Variants in CNOT2 observed in about 807,000 individuals in gnomAD.
The protein encoded by CNOT2 is CC chemokine receptor 4-negative regulator of transcription 2.
Under a neutral mutation model 72.1 loss-of-function variants are expected in CNOT2, and 7 were observed. The ratio of observed to expected loss-of-function variants is 0.10; its 90% CI spans 0.06 to 0.18. CNOT2 has a LOEUF of 0.18. Ranked by LOEUF, CNOT2 falls within the 10% of genes least tolerant of loss-of-function variation. CNOT2 has a pLI of 1.00. For synonymous variants in CNOT2, 196 were observed against 225.6 expected (o/e 0.87, Z 1.17); for missense variants, 345 against 660.3 (o/e 0.52, Z 5.23).
At chr12:70,262,419 G>GC (rs942121770) in intron 1 of CNOT2, among the ~76,000 whole-genome samples, 2 of 151,466 alleles carry the variant, frequency 1.3e-5, no homozygotes, top group Non-Finnish European at 3.0e-5. Flanking sequence ...GACTACAGGC[G>GC]CCCGCCACTA....
intron 4 of CNOT2, among the ~76,000 whole-genome samples, chr12:70,325,337 A>T (rs941005895): frequency 6.6e-6 from 1 of 151,880 alleles, no homozygotes; most frequent in African/African-American, 2.4e-5. Context: ...GGGAATTTTT[A>T]AAATTCCACT....
chr12:70,293,057 A>G (rs1872190636), intron 2 of CNOT2, among the ~76,000 whole-genome samples: 1 of 151,908 alleles, frequency 6.6e-6, no homozygotes. Flanking sequence ...TTCTATTTTT[A>G]TTAGTTTTAG....
intron 8 of CNOT2, 126 bp downstream of exon 8, chr12:70,335,689 G>A: frequency 3.1e-6 from 2 of 638,392 alleles, no homozygotes; most frequent in East Asian, 2.9e-5. Flanking sequence ...TTCTAATCAG[G>A]TTAGTGTAAT....
At chr12:70,279,032 A>G (rs187237538) in intron 2 of CNOT2, among the ~76,000 whole-genome samples, 1 of 152,366 alleles carries the variant, frequency 6.6e-6, no homozygotes, top group Admixed American at 6.5e-5. Flanking sequence ...TATCCAGAAT[A>G]CAGAATACTT....
rs749576164 is a variant in CNOT2 at position 70,338,597 on chromosome 12, T to C, written c.1021+34T>C. Reference sequence around the variant, plus strand: ...CTAGAAATCTATGTCAAAGATATTATAGAATGCTTTTTTTTCTATTTTTTA... The same window carrying C: ...CTAGAAATCTATGTCAAAGATATTACAGAATGCTTTTTTTTCTATTTTTTA... On this transcript the variant is annotated intron_variant, in intron 10 of 15. Coordinates refer to ENST00000229195, the MANE Select transcript of CNOT2 (RefSeq NM_014515.7). 7 of 1,599,432 alleles carry C rather than the reference T, an allele frequency of 4.4e-6. No homozygotes were observed. The Admixed American group carries it at 7.1e-5, about 16-fold the overall frequency.
chr12:70,265,331 T>TC (rs373835180), intron 1 of CNOT2, among the ~76,000 whole-genome samples: 202 of 148,372 alleles, frequency 1.4e-3, no homozygotes, highest in Non-Finnish European at 2.1e-3. Flanking sequence ...TTCTCTTTCT[T>TC]TCTTTTTTCT....
chr12:70,297,638 G>T (rs1185226101), intron 2 of CNOT2: 1 of 222,392 alleles, frequency 4.5e-6, no homozygotes, highest in Non-Finnish European at 9.3e-6. Context: ...CTATACTTAA[G>T]TACCTAAAAA....
chr12:70,286,883 C>G (rs1336729182), intron 2 of CNOT2, among the ~76,000 whole-genome samples: 1 of 151,664 alleles, frequency 6.6e-6, no homozygotes, highest in Non-Finnish European at 1.5e-5. Context: ...TCATAAGGGA[C>G]TTAGAAATCT....
chr12:70,321,275 A>G (rs1412814786), intron 4 of CNOT2, among the ~76,000 whole-genome samples: 2 of 151,970 alleles, frequency 1.3e-5, no homozygotes, highest in East Asian at 3.9e-4. Flanking sequence ...ATGTTTTTCC[A>G]AGATATCGAT....
chr12:70,295,328 A>T (rs899809866), intron 2 of CNOT2, among the ~76,000 whole-genome samples: 2 of 151,950 alleles, frequency 1.3e-5, no homozygotes, highest in African/African-American at 4.9e-5. Context: ...AAGTCATCAA[A>T]ATACAGACTT....
chr12:70,276,916 C>A (rs1239513970), intron 1 of CNOT2, among the ~76,000 whole-genome samples: 1 of 151,766 alleles, frequency 6.6e-6, no homozygotes, highest in Admixed American at 6.6e-5. Flanking sequence ...GTTTTTGTCA[C>A]CTGGGTTCTT....
intron 1 of CNOT2, among the ~76,000 whole-genome samples, chr12:70,272,531 CT>C (rs549995087): frequency 3.3e-5 from 5 of 152,290 alleles, no homozygotes; most frequent in African/African-American, 1.2e-4. Context: ...TCTTTTCTTA[CT>C]CTTTGTTTTC....
chr12:70,251,580 C>T (rs371339812), intron 1 of CNOT2, among the ~76,000 whole-genome samples: 4 of 152,120 alleles, frequency 2.6e-5, no homozygotes, highest in South Asian at 2.1e-4. Context: ...TAAGCAGATT[C>T]GTGTTTCAGG....
intron 4 of CNOT2, among the ~76,000 whole-genome samples, chr12:70,325,736 T>G (rs996983124): frequency 4.6e-4 from 70 of 151,924 alleles, no homozygotes; most frequent in African/African-American, 1.6e-3. Flanking sequence ...GTTGTCCTTT[T>G]TAGTATGGGC....
chr12:70,308,303 T>C (rs529368417), intron 2 of CNOT2, among the ~76,000 whole-genome samples: 1 of 152,294 alleles, frequency 6.6e-6, no homozygotes, highest in Admixed American at 6.5e-5. Context: ...GTTGTCTTTT[T>C]CTCTTGTGAT....
At chr12:70,283,599 T>C (rs1261971250) in intron 2 of CNOT2, among the ~76,000 whole-genome samples, 1 of 149,404 alleles carries the variant, frequency 6.7e-6, no homozygotes, top group African/African-American at 2.5e-5. Flanking sequence ...TATTGCTGCT[T>C]GGTGTTAGGT....
At chr12:70,316,718 A>G (rs913233239) in intron 3 of CNOT2, among the ~76,000 whole-genome samples, 7 of 152,166 alleles carry the variant, frequency 4.6e-5, no homozygotes, top group African/African-American at 1.7e-4. Flanking sequence ...ACACTGTGGT[A>G]AGTGAATCAG....
At chr12:70,292,052 C>T (rs780741639) in intron 2 of CNOT2, among the ~76,000 whole-genome samples, 2 of 152,208 alleles carry the variant, frequency 1.3e-5, no homozygotes, top group African/African-American at 2.4e-5. Context: ...CATGTTCTCA[C>T]AGTACTCCAA....
At chr12:70,308,994 A>G (rs918264968) in intron 2 of CNOT2, among the ~76,000 whole-genome samples, 4 of 152,158 alleles carry the variant, frequency 2.6e-5, no homozygotes, top group Non-Finnish European at 5.9e-5. Flanking sequence ...TGTATCTTTA[A>G]CTTTCAAAAA....
Sources: allele counts gnomAD v4.1 joint callset (sites outside exome capture counted in the v4.1 genomes callset), GRCh38; gene constraint gnomAD v4.1.1; transcripts MANE v1.5; gene names NCBI Gene and HGNC (gene_info 2026-07-23, HGNC 2026-07-21).